The following AGBL1 variants were observed in gnomAD, a reference collection of about 807,000 sequenced individuals.
AGBL1 encodes AGBL carboxypeptidase 1, also known as cytosolic carboxypeptidase 4.
In AGBL1, 130 loss-of-function variants were observed where a neutral mutation model predicts 118.9. That is an observed-to-expected ratio of 1.09 (90% confidence interval 0.95 to 1.26). AGBL1 has a LOEUF of 1.26. AGBL1 is among the 50% of genes most tolerant of loss of function. The pLI is 0.00. For missense variants in AGBL1, 1,584 were observed against 1,298.1 expected (o/e 1.22, Z -3.38); for synonymous variants, 555 against 478.9 (o/e 1.16, Z -2.08).
chr15:86,244,357 A>G (rs1467840835), intron 6 of AGBL1, among the ~76,000 whole-genome samples: 6 of 151,638 alleles, frequency 4.0e-5, no homozygotes, highest in Non-Finnish European at 5.9e-5. Flanking sequence ...ATCTTCCAGA[A>G]CTCCTCTAAG....
At chr15:86,857,225 C>G (rs1055299915) in intron 22 of AGBL1, among the ~76,000 whole-genome samples, 2 of 152,162 alleles carry the variant, frequency 1.3e-5, no homozygotes, top group Non-Finnish European at 2.9e-5. Context: ...AACCCTGTTT[C>G]TACTATCTAT....
At chr15:86,193,867 A>G (rs2077759210) in intron 5 of AGBL1, among the ~76,000 whole-genome samples, 1 of 152,228 alleles carries the variant, frequency 6.6e-6, no homozygotes, top group African/African-American at 2.4e-5. Context: ...GCATTAAACA[A>G]TCACACTGAT....
At chr15:86,607,849 G>T (rs1275446977) in intron 21 of AGBL1, among the ~76,000 whole-genome samples, 1 of 152,132 alleles carries the variant, frequency 6.6e-6, no homozygotes, top group African/African-American at 2.4e-5. Context: ...CAACTGTTAT[G>T]CAAATTTTGT....
At chr15:86,940,202 G>C (rs1159963799) in intron 23 of AGBL1, among the ~76,000 whole-genome samples, 1 of 150,898 alleles carries the variant, frequency 6.6e-6, no homozygotes, top group Non-Finnish European at 1.5e-5. Context: ...GTGCCCGGTT[G>C]AGTGCACTGT....
At chr15:86,250,400 T>C (rs1047257457) in intron 7 of AGBL1, among the ~76,000 whole-genome samples, 5 of 150,936 alleles carry the variant, frequency 3.3e-5, no homozygotes, top group African/African-American at 1.2e-4. Flanking sequence ...GTAGCATGTG[T>C]CCGTAATCCC....
At chr15:86,098,005 C>A (rs543870575) in intron 1 of AGBL1, among the ~76,000 whole-genome samples, 2 of 152,178 alleles carry the variant, frequency 1.3e-5, no homozygotes, top group Non-Finnish European at 2.9e-5. Context: ...TTAATAATAT[C>A]CATTCTTCCT....
chr15:86,466,199 CT>C (rs1413085310), intron 18 of AGBL1, among the ~76,000 whole-genome samples: 1 of 152,104 alleles, frequency 6.6e-6, no homozygotes, highest in African/African-American at 2.4e-5. Flanking sequence ...CCTTTTCATT[CT>C]TTTTTCTCTA....
At chr15:86,271,851 G>T (rs948065127) in intron 15 of AGBL1, 145 bp downstream of exon 15, 2 of 734,556 alleles carry the variant, frequency 2.7e-6, no homozygotes, top group Non-Finnish European at 4.6e-6. Flanking sequence ...GCCAGTGTCC[G>T]GCCCTTCAGA....
chr15:86,932,305 AC>A (rs1407343288), intron 23 of AGBL1, among the ~76,000 whole-genome samples: 3 of 152,362 alleles, frequency 2.0e-5, no homozygotes, highest in South Asian at 4.1e-4. Context: ...GATAGACCTG[AC>A]CATTAACTTT....
At chr15:86,641,681 C>A (rs2085193845) in intron 21 of AGBL1, among the ~76,000 whole-genome samples, 1 of 152,034 alleles carries the variant, frequency 6.6e-6, no homozygotes, top group Admixed American at 6.6e-5. Context: ...TTTTGGGAGG[C>A]TGAGGCAGGA....
At chr15:86,594,587 G>A (rs1394673661) in intron 21 of AGBL1, among the ~76,000 whole-genome samples, 1 of 152,084 alleles carries the variant, frequency 6.6e-6, no homozygotes, top group African/African-American at 2.4e-5. Flanking sequence ...TCACTCTTCA[G>A]TGCCTTTAAA....
intron 21 of AGBL1, among the ~76,000 whole-genome samples, chr15:86,560,851 A>G (rs180934174): frequency 7.2e-4 from 109 of 152,264 alleles, no homozygotes; most frequent in Non-Finnish European, 8.4e-4. Context: ...GTGAGATGGT[A>G]TGTCATTGTG....
intron 1 of AGBL1, among the ~76,000 whole-genome samples, chr15:86,112,448 CATT>C (rs1287406889): frequency 1.3e-5 from 2 of 152,154 alleles, no homozygotes; most frequent in East Asian, 1.9e-4. Flanking sequence ...CCTACAACAA[CATT>C]ATTATCAATG....
intron 23 of AGBL1, among the ~76,000 whole-genome samples, chr15:86,971,208 G>T (rs903349915): frequency 6.6e-6 from 1 of 151,954 alleles, no homozygotes; most frequent in Admixed American, 6.6e-5. Flanking sequence ...GCATGAACTG[G>T]GAAAACTGTA....
At chr15:86,872,461 T>C (rs1039368212) in intron 22 of AGBL1, among the ~76,000 whole-genome samples, 2 of 152,094 alleles carry the variant, frequency 1.3e-5, no homozygotes, top group Admixed American at 6.6e-5. Flanking sequence ...AATCTAAAAA[T>C]ATAGACAAGA....
chr15:86,482,298 A>G (rs2082661857), intron 18 of AGBL1, among the ~76,000 whole-genome samples: 1 of 152,160 alleles, frequency 6.6e-6, no homozygotes, highest in Non-Finnish European at 1.5e-5. Flanking sequence ...GAAGGGAGCT[A>G]GAGAGCACAA....
At chr15:86,871,781 A>G (rs1404307942) in intron 22 of AGBL1, among the ~76,000 whole-genome samples, 1 of 152,176 alleles carries the variant, frequency 6.6e-6, no homozygotes, top group African/African-American at 2.4e-5. Context: ...CTTGGCTCCA[A>G]GAACTCCGGA....
At chr15:86,235,968 C>A (rs1018417649) in intron 6 of AGBL1, among the ~76,000 whole-genome samples, 1 of 152,162 alleles carries the variant, frequency 6.6e-6, no homozygotes, top group African/African-American at 2.4e-5. Flanking sequence ...AAATAGTGTT[C>A]TATACAGAGG....
At chr15:86,784,295 G>GA (rs2141315545) in intron 22 of AGBL1, among the ~76,000 whole-genome samples, 1 of 152,276 alleles carries the variant, frequency 6.6e-6, no homozygotes, top group Non-Finnish European at 1.5e-5. Flanking sequence ...TGGAATTCAG[G>GA]AAAAATATAG....
Sources: allele counts gnomAD v4.1 joint callset (sites outside exome capture counted in the v4.1 genomes callset), GRCh38; gene constraint gnomAD v4.1.1; transcripts MANE v1.5; gene names NCBI Gene and HGNC (gene_info 2026-07-23, HGNC 2026-07-21).